Variants in GPC6 observed in about 807,000 individuals in gnomAD.
The protein encoded by GPC6 is glypican 6, also known as glypican-6.
A neutral mutation model predicts 55.2 loss-of-function variants in GPC6; 14 were observed. That is an observed-to-expected ratio of 0.25 (90% confidence interval 0.17 to 0.40). The LOEUF is 0.40. GPC6 is among the 10% of genes least tolerant of loss of function. GPC6 has a pLI of 1.00. For missense variants in GPC6, 641 were observed against 708.5 expected, an observed-to-expected ratio of 0.90 and a Z score of 1.08; for synonymous variants, 278 against 259.6, an observed-to-expected ratio of 1.07 and a Z score of -0.68.
chr13:93,866,487 G>A (rs568164525), intron 3 of GPC6, among the ~76,000 whole-genome samples: 1 of 151,850 alleles, frequency 6.6e-6, no homozygotes, highest in African/African-American at 2.4e-5. Context: ...ATCAGTGATA[G>A]ACTGAAAAAA....
intron 1 of GPC6, among the ~76,000 whole-genome samples, chr13:93,271,961 A>G (rs1007783618): frequency 2.6e-5 from 4 of 152,184 alleles, no homozygotes; most frequent in Non-Finnish European, 4.4e-5. Context: ...CATAACTAAT[A>G]AACTATATGA....
At chr13:93,234,604 T>C (rs1876168826) in intron 1 of GPC6, among the ~76,000 whole-genome samples, 1 of 151,926 alleles carries the variant, frequency 6.6e-6, no homozygotes, top group Non-Finnish European at 1.5e-5. Flanking sequence ...GTAGGTGAAA[T>C]GGATCAAAGT....
intron 6 of GPC6, among the ~76,000 whole-genome samples, chr13:94,378,985 A>G (rs1308792792): frequency 6.6e-6 from 1 of 152,090 alleles, no homozygotes; most frequent in African/African-American, 2.4e-5. Flanking sequence ...TCAGTAATAT[A>G]TTTGTACTAA....
At chr13:93,844,909 C>A (rs1888112412) in intron 3 of GPC6, among the ~76,000 whole-genome samples, 1 of 151,890 alleles carries the variant, frequency 6.6e-6, no homozygotes, top group Admixed American at 6.6e-5. Context: ...GGAATCCTTT[C>A]CCCATTGCTT....
chr13:94,099,272 C>G (rs1311360615), intron 4 of GPC6, among the ~76,000 whole-genome samples: 1 of 152,036 alleles, frequency 6.6e-6, no homozygotes, highest in African/African-American at 2.4e-5. Context: ...TAATAAGTAG[C>G]TTTAAGTAAC....
chr13:93,704,943 C>T (rs1001523055), intron 2 of GPC6, among the ~76,000 whole-genome samples: 3 of 151,928 alleles, frequency 2.0e-5, no homozygotes, highest in Admixed American at 2.0e-4. Context: ...ATCTTGTGTC[C>T]TACCATGTCA....
At chr13:93,605,899 A>G (rs1038888395) in intron 2 of GPC6, among the ~76,000 whole-genome samples, 3 of 151,836 alleles carry the variant, frequency 2.0e-5, no homozygotes, top group Non-Finnish European at 4.4e-5. Flanking sequence ...TTTTTGGACA[A>G]GACTTTTGAC....
chr13:93,406,655 A>ATC (rs1331250658), intron 1 of GPC6, among the ~76,000 whole-genome samples: 1 of 152,182 alleles, frequency 6.6e-6, no homozygotes, highest in Non-Finnish European at 1.5e-5. Flanking sequence ...TTTGTATACC[A>ATC]TCTTATTCAA....
At chr13:93,789,124 C>T (rs1885906987) in intron 2 of GPC6, among the ~76,000 whole-genome samples, 1 of 136,498 alleles carries the variant, frequency 7.3e-6, no homozygotes, top group South Asian at 2.2e-4. Context: ...GATAATGTTA[C>T]CATATGCAGG....
intron 4 of GPC6, among the ~76,000 whole-genome samples, chr13:94,153,767 A>G (rs549281009): frequency 6.6e-6 from 1 of 152,306 alleles, no homozygotes; most frequent in South Asian, 2.1e-4. Context: ...GCTTGTGAAA[A>G]CACAAACAAC....
chr13:93,521,306 T>G (rs961150649), intron 1 of GPC6, among the ~76,000 whole-genome samples: 1 of 150,728 alleles, frequency 6.6e-6, no homozygotes, highest in African/African-American at 2.4e-5. Flanking sequence ...TTTTCTTTTC[T>G]TTTTTTTTAG....
intron 2 of GPC6, among the ~76,000 whole-genome samples, chr13:93,702,453 G>T (rs1882704710): frequency 6.6e-6 from 1 of 151,976 alleles, no homozygotes; most frequent in Non-Finnish European, 1.5e-5. Flanking sequence ...TTTCAGAATG[G>T]TAAGTGAGCA....
At chr13:93,900,831 G>T (rs1217869602) in intron 3 of GPC6, among the ~76,000 whole-genome samples, 1 of 152,080 alleles carries the variant, frequency 6.6e-6, no homozygotes, top group African/African-American at 2.4e-5. Context: ...AAAATTCACT[G>T]TAAGCTGGAT....
At chr13:94,117,469 T>C (rs1229010095) in intron 4 of GPC6, among the ~76,000 whole-genome samples, 1 of 152,118 alleles carries the variant, frequency 6.6e-6, no homozygotes, top group African/African-American at 2.4e-5. Context: ...TTAATTACCA[T>C]TTACAATATA....
chr13:94,163,070 C>A (rs1888224289), intron 4 of GPC6, among the ~76,000 whole-genome samples: 1 of 152,090 alleles, frequency 6.6e-6, no homozygotes, highest in Non-Finnish European at 1.5e-5. Context: ...TTAAGATGAT[C>A]TGAATCATTA....
intron 4 of GPC6, among the ~76,000 whole-genome samples, chr13:94,160,755 G>A (rs769626670): frequency 5.9e-5 from 9 of 152,130 alleles, no homozygotes; most frequent in African/African-American, 9.6e-5. Flanking sequence ...TCTTCGTTTC[G>A]TTCATGTATA....
At chr13:93,725,217 C>T (rs952401370) in intron 2 of GPC6, among the ~76,000 whole-genome samples, 4 of 137,182 alleles carry the variant, frequency 2.9e-5, no homozygotes, top group Admixed American at 2.7e-4. Flanking sequence ...GGAAGAACAG[C>T]TAACATTATT....
chr13:93,294,505 AT>A (rs1306325514), intron 1 of GPC6, among the ~76,000 whole-genome samples: 1 of 151,936 alleles, frequency 6.6e-6, no homozygotes, highest in Non-Finnish European at 1.5e-5. Flanking sequence ...GAAGTAGTTG[AT>A]TTGGTGCCTG....
intron 1 of GPC6, among the ~76,000 whole-genome samples, chr13:93,506,790 C>T (rs550860958): frequency 1.9e-4 from 29 of 149,228 alleles, no homozygotes; most frequent in South Asian, 8.6e-4. Flanking sequence ...CCTGTAATCC[C>T]GGCACTTTGG....
Sources: allele counts gnomAD v4.1 joint callset (sites outside exome capture counted in the v4.1 genomes callset), GRCh38; gene constraint gnomAD v4.1.1; transcripts MANE v1.5; gene names NCBI Gene and HGNC (gene_info 2026-07-23, HGNC 2026-07-21).